EMILIN1: variants seen among roughly 807,000 people sequenced by gnomAD.
The protein encoded by EMILIN1 is elastin microfibril interfacer 1.
In EMILIN1, 49 loss-of-function variants were observed where a neutral mutation model predicts 82.4. The ratio of observed to expected loss-of-function variants is 0.59; its 90% CI spans 0.47 to 0.75. The LOEUF is 0.75. Ranked by LOEUF, EMILIN1 falls within the 30% of genes least tolerant of loss-of-function variation. The pLI is 0.00. For missense variants in EMILIN1, 1,313 were observed against 1,366.4 expected, an observed-to-expected ratio of 0.96 and a Z score of 0.62; for synonymous variants, 604 against 602.2, an observed-to-expected ratio of 1.00 and a Z score of -0.04.
chr2:27,086,093 CG>C lies in EMILIN1; in HGVS notation c.*82del. On this transcript the variant is annotated 3_prime_UTR_variant, in exon 8 of 8. Coordinates refer to ENST00000380320, the MANE Select transcript of EMILIN1 (RefSeq NM_007046.4). ...CGGGCTCCTGGGGTCTCGCCTGAGA[CG>C]GGGCACCTAGCCCTGGGCGAGCGCC... 8.8e-7 allele frequency: 1 copy of C among 1,135,700 alleles called. No individual in the cohort carries two copies. Among genetic ancestry groups the C allele is most frequent in the Non-Finnish European group, 1.2e-6 (1 of 853,970 alleles). 70.4% of individuals were successfully genotyped at this position (1,135,700 alleles called of 1,614,324 possible).
chr2:27,083,190 G>C lies in EMILIN1; in HGVS notation c.1619G>C (p.Gly540Ala). 6.2e-7 allele frequency: 1 copy of C among 1,611,338 alleles called. No homozygotes were observed. Among genetic ancestry groups the C allele is most frequent in the Non-Finnish European group, 8.5e-7 (1 of 1,178,476 alleles). Residue 540 changes from glycine (G) to alanine (A), a missense_variant, in exon 4 of 8, where the codon GGC (glycine) becomes GCC (alanine). Transcript: ENST00000380320. ...ATLEGLQEVV[G>A]RLQDRVDAQD... ...CTGGAGGGATTACAAGAGGTTGTGG[G>C]CCGGCTCCAGGATCGTGTGGATGCC...
At chr2:27,084,305 C>T (rs1669550560) in intron 4 of EMILIN1, 110 bp from the exon 5 acceptor site, 4 of 749,344 alleles carry the variant, frequency 5.3e-6, no homozygotes, top group Non-Finnish European at 9.2e-6. Context: ...GCCTGCAAAG[C>T]TCCACCTGTT....
At chr2:27,079,915 A>T (rs1213808669) in intron 1 of EMILIN1, among the ~76,000 whole-genome samples, 2 of 152,178 alleles carry the variant, frequency 1.3e-5, no homozygotes, top group Non-Finnish European at 2.9e-5. Flanking sequence ...ATGAGGATTG[A>T]CTGCTCTGTG....
intron 6 of EMILIN1, 51 bp downstream of exon 6, chr2:27,085,059 G>A (rs775444883): frequency 6.2e-6 from 10 of 1,613,138 alleles, no homozygotes; most frequent in Non-Finnish European, 8.5e-6. Context: ...GGGGTTGGAG[G>A]ATAGAGGTCC....
chr2:27,084,549 C>A lies in EMILIN1; in HGVS notation c.2557+18C>A. On this transcript the variant is annotated intron_variant, in intron 5 of 7. Coordinates refer to ENST00000380320, the MANE Select transcript of EMILIN1 (RefSeq NM_007046.4). ...GCCACCAGGTATGTGCACTGAGACC[C>A]TTGCTGCAGTCAGGGTTGCCACTGC... 3 of 1,522,484 alleles carry A rather than the reference C, an allele frequency of 2.0e-6. No homozygotes were observed. Among genetic ancestry groups the A allele is most frequent in the East Asian group, 4.5e-5 (2 of 44,460 alleles). The allele number at this position is 1,522,484 out of a possible 1,614,324, so 94.3% of individuals were successfully genotyped here.
Position 27,086,004 on chromosome 2 carries a change from G to C in EMILIN1, c.3040G>C (p.Glu1014Gln). 1.4e-6 allele frequency: 2 copies of C among 1,456,484 alleles called. No individual in the cohort carries two copies. Among genetic ancestry groups the C allele is most frequent in the Non-Finnish European group, 1.8e-6 (2 of 1,096,568 alleles). The allele number at this position is 1,456,484 out of a possible 1,614,324, so 90.2% of individuals were successfully genotyped here. Reference protein sequence around the residue: ...GALLYGDPELEHA With the variant: ...GALLYGDPELQHA Reference sequence around the variant, plus strand: ...CCTGCTCTATGGGGACCCAGAGCTTGAACACGCGTAGACTGGGGTCCCGCC... The same window carrying C: ...CCTGCTCTATGGGGACCCAGAGCTTCAACACGCGTAGACTGGGGTCCCGCC... The change falls in exon 8 of 8, where the codon GAA becomes CAA. Residue 1014 changes from glutamate (E) to glutamine (Q), a missense_variant. Coordinates refer to ENST00000380320, the MANE Select transcript of EMILIN1 (RefSeq NM_007046.4).
intron 2 of EMILIN1, 103 bp from the exon 3 acceptor site, chr2:27,080,629 G>C (rs1669456602): frequency 1.0e-6 from 1 of 962,712 alleles, no homozygotes; most frequent in Non-Finnish European, 1.5e-6. Context: ...CCCAGCCTGA[G>C]GGACAGGCCA....
Position 27,086,060 on chromosome 2 carries a change from G to C in EMILIN1, c.*45G>C. 7.4e-7 allele frequency: 1 copy of C among 1,353,686 alleles called. No individual in the cohort carries two copies. Among genetic ancestry groups the C allele is most frequent in the Non-Finnish European group, 9.7e-7 (1 of 1,028,562 alleles). 83.9% of individuals were successfully genotyped at this position (1,353,686 alleles called of 1,614,324 possible). On this transcript the variant is annotated 3_prime_UTR_variant, in exon 8 of 8. Transcript: ENST00000380320. ...TGTCTACGTCGGCTGAAGAGACAGC[G>C]GGGGCGGCGGGCTCCTGGGGTCTCG...
intron 4 of EMILIN1, 41 bp downstream of exon 4, chr2:27,084,052 CTTAT>C (rs1669546125): frequency 5.6e-6 from 8 of 1,433,094 alleles, no homozygotes; most frequent in Non-Finnish European, 6.4e-6. Context: ...TTTCAAGCCC[CTTAT>C]TTTTCTTCTC....
At chr2:27,080,694 C>T (rs1669457576) in intron 2 of EMILIN1, 38 bp from the exon 3 acceptor site, 2 of 1,553,162 alleles carry the variant, frequency 1.3e-6, no homozygotes, top group Non-Finnish European at 1.8e-6. Flanking sequence ...ACTGACCGTA[C>T]AGGGAGGAAT....
At chr2:27,082,025 C>A in intron 3 of EMILIN1, 58 bp from the exon 4 acceptor site, 1 of 1,493,506 alleles carries the variant, frequency 6.7e-7, no homozygotes, top group South Asian at 1.3e-5. Context: ...CTGGGGTGAG[C>A]AGGGGCCTTG....
Position 27,084,463 on chromosome 2 carries a change from C to A in EMILIN1, c.2489C>A (p.Pro830His). The change falls in exon 5 of 8, where the codon CCC becomes CAC. Residue 830 changes from proline (P) to histidine (H), a missense_variant. Physicochemically the swap from Pro to His is moderately conservative, Grantham distance 77. Transcript: ENST00000380320. ...CCAGGGCCTCCTGGGCTGCAGGGAC[C>A]CCCAGGCCCTGCTGGACCTCCAGGA... is the stretch of plus-strand genomic sequence containing the variant. ...GPPGPPGLQG[P>H]PGPAGPPGSP... 6.2e-7 allele frequency: 1 copy of A among 1,612,968 alleles called. No homozygotes were observed. Among genetic ancestry groups the A allele is most frequent in the Non-Finnish European group, 8.5e-7 (1 of 1,179,750 alleles).
Position 27,078,953 on chromosome 2 carries a change from A to T in EMILIN1, c.-113A>T. On this transcript the variant is annotated 5_prime_UTR_variant, in exon 1 of 8. Coordinates refer to ENST00000380320, the MANE Select transcript of EMILIN1 (RefSeq NM_007046.4). Reference sequence around the variant, plus strand: ...CGGGGGCTATCAGAAGGAAACTGGGACGGACGGGCCGGGCTCGGGCTGTCC... The same window carrying T: ...CGGGGGCTATCAGAAGGAAACTGGGTCGGACGGGCCGGGCTCGGGCTGTCC... The T allele has an allele frequency of 1.2e-6, 1 of 800,484 alleles. No individual in the cohort carries two copies. The highest frequency in any genetic ancestry group is 3.3e-5 in the East Asian group (1 of 30,216). 49.6% of individuals were successfully genotyped at this position (800,484 alleles called of 1,614,324 possible). A position where few individuals can be genotyped will look rare whatever the true frequency, so the allele number is the denominator to read the frequency against.
Position 27,083,338 on chromosome 2 carries a change from A to G in EMILIN1, c.1767A>G (p.Gln589=), listed in dbSNP as rs759797521. ...GCTGTGGGGCCTGTGGCGGAGTCCA[A>G]GAGGAACTAGGCCGCCTTCGGGATG... ...DEGCGACGGV[Q]EELGRLRDGV... The change falls in exon 4 of 8, where the codon CAA becomes CAG. Residue 589 remains glutamine, a synonymous_variant. Coordinates refer to ENST00000380320, the MANE Select transcript of EMILIN1 (RefSeq NM_007046.4). The G allele has an allele frequency of 3.1e-5, 50 of 1,613,322 alleles. 1 individual carries two copies. The South Asian group carries it at 3.3e-4, about 11-fold the overall frequency.
rs553403745 is a variant in EMILIN1, at chr2:27,083,399, C to G, written c.1828C>G (p.Arg610Gly). The G allele has an allele frequency of 1.9e-6, 3 of 1,612,022 alleles. No homozygotes were observed. The highest frequency in any genetic ancestry group is 2.5e-6 in the Non-Finnish European group (3 of 1,179,952). The change falls in exon 4 of 8, where the codon CGG (arginine) becomes GGG (glycine). Residue 610 changes from arginine to glycine, a missense_variant. Arg to Gly is a moderately radical substitution (Grantham distance 125). Coordinates refer to ENST00000380320, the MANE Select transcript of EMILIN1 (RefSeq NM_007046.4). ...ERCSCPLLPP[R>G]GPGAGPGVGG... ...CTGCTCCTGCCCCCTGTTGCCTCCTCGGGGTCCTGGGGCTGGTCCAGGTGT... is the reference window on the plus strand; with the variant it reads ...CTGCTCCTGCCCCCTGTTGCCTCCTGGGGGTCCTGGGGCTGGTCCAGGTGT...
At chr2:27,084,115 C>A (rs999593069) in intron 4 of EMILIN1, 104 bp downstream of exon 4, 52 of 1,258,592 alleles carry the variant, frequency 4.1e-5, no homozygotes, top group Non-Finnish European at 5.4e-5. Context: ...TTGCTTTTCC[C>A]AACATGAATT....
chr2:27,080,394 C>A, intron 2 of EMILIN1, 124 bp downstream of exon 2: 1 of 1,316,142 alleles, frequency 7.6e-7, no homozygotes, highest in Non-Finnish European at 1.0e-6. Flanking sequence ...AGGGTCACAG[C>A]CATTTTGAGG....
Position 27,085,956 on chromosome 2 carries a change from C to CTACA in EMILIN1, c.2992_2993insTACA (p.Pro998LeufsTer18). The CTACA allele has an allele frequency of 3.6e-5, 55 of 1,512,470 alleles. No homozygotes were observed. The highest frequency in any genetic ancestry group is 1.7e-4 in the South Asian group (14 of 80,110). The allele number at this position is 1,512,470 out of a possible 1,614,324, so 93.7% of individuals were successfully genotyped here. ...GGGGCAGCTGGCGCACTCGGAGGAG[C>CTACA]CGCTCACCATCTTCAGCGGGGCCCT... On this transcript the variant is annotated frameshift_variant, in exon 8 of 8. Transcript: ENST00000380320. LOFTEE classifies it high-confidence loss of function.
rs1447204046 is a variant in EMILIN1, at chr2:27,079,059, C to A, written c.-7C>A. On this transcript the variant is annotated 5_prime_UTR_variant, in exon 1 of 8. Coordinates refer to ENST00000380320, the MANE Select transcript of EMILIN1 (RefSeq NM_007046.4). ...AGTCTCTGAGGGCCACTGTGGAGCGCCCCGCCATGGCCCCCCGCACCCTCT... is the reference window on the plus strand; with the variant it reads ...AGTCTCTGAGGGCCACTGTGGAGCGACCCGCCATGGCCCCCCGCACCCTCT... The A allele has an allele frequency of 1.3e-6, 2 of 1,546,354 alleles. No homozygotes were observed. Among genetic ancestry groups the A allele is most frequent in the South Asian group, 1.2e-5 (1 of 84,670 alleles).
Sources: gnomAD v4.1 joint callset for allele counts (sites outside exome capture counted in the v4.1 genomes callset) on GRCh38, gnomAD v4.1.1 for gene constraint, MANE v1.5 for transcripts, NCBI Gene and HGNC (gene_info 2026-07-23, HGNC 2026-07-21) for gene names.